LDHD: variants seen among roughly 807,000 people sequenced by gnomAD.
LDHD encodes the protein lactate dehydrogenase D.
LDHD carries 58 observed loss-of-function variants against 52.9 expected under a neutral mutation model. The ratio of observed to expected loss-of-function variants is 1.10; its 90% CI spans 0.89 to 1.36. The LOEUF (loss-of-function observed/expected upper bound fraction) is 1.36. Among genes scored for constraint, LDHD ranks in the 40% most tolerant of loss-of-function variants. LDHD has a pLI of 0.00. For synonymous variants in LDHD, 350 were observed against 288.6 expected (o/e 1.21, Z -2.16); for missense variants, 747 against 668.0 (o/e 1.12, Z -1.30).
At chr16:75,114,476 G>T (rs1340915862) in intron 5 of LDHD, 50 bp downstream of exon 5, 1 of 1,447,166 alleles carries the variant, frequency 6.9e-7, no homozygotes, top group Non-Finnish European at 9.1e-7. Context: ...AGGGCAGCCC[G>T]CCAGCAGTGC....
chr16:75,115,538 C>T lies in LDHD; in HGVS notation c.185+10G>A. The T allele has an allele frequency of 6.2e-7, 1 of 1,612,014 alleles. No homozygotes were observed. The highest frequency in any genetic ancestry group is 2.2e-5 in the East Asian group (1 of 44,850). On this transcript the variant is annotated intron_variant, in intron 2 of 10. Transcript: ENST00000450168. Reference sequence around the variant, plus strand: ...GAAGACAGGGGAGGGGCCCGCGAACCCTCCCATACCTGTGCACCGACTCAT... The same window carrying T: ...GAAGACAGGGGAGGGGCCCGCGAACTCTCCCATACCTGTGCACCGACTCAT...
rs2036462246 is a variant in LDHD at position 75,113,650 on chromosome 16, T to C, written c.971A>G (p.Gln324Arg). 1.9e-6 allele frequency: 3 copies of C among 1,613,294 alleles called. No homozygotes were observed. The African/African-American group carries it at 4.0e-5, about 22-fold the overall frequency. The change falls in exon 8 of 11, where the codon CAG becomes CGG. Residue 324 changes from glutamine (Q) to arginine (R), a missense_variant. Transcript: ENST00000450168. Reference sequence around the variant, plus strand: ...GGAGAAGTCAGAGGCTCCGTTCTGCTGGACTATCTCCTCTGCAGTTGGGGA... The same window carrying C: ...GGAGAAGTCAGAGGCTCCGTTCTGCCGGACTATCTCCTCTGCAGTTGGGGA... The part of the protein sequence containing the change: ...EQLQRTEEIV[Q>R]QNGASDFSWA...
rs1039767895 is a variant in LDHD, at chr16:75,113,770, C to G, written c.930G>C (p.Gln310His). Residue 310 changes from glutamine (Q) to histidine (H), a missense_variant, in exon 7 of 11, where the codon CAG becomes CAC. By Grantham distance (24) the Gln-to-His change is conservative. Coordinates refer to ENST00000450168, the MANE Select transcript of LDHD (RefSeq NM_194436.3). The stretch of plus-strand genomic sequence containing the variant: ...TGCGCTGCAGCTGCTCCTCCAGTGC[C>G]TGCTGGGAGCCATGGAACTCCAGGA... Reference protein sequence around the residue: ...TLFLEFHGSQQALEEQLQRTE... With the variant: ...TLFLEFHGSQHALEEQLQRTE... 2 of 1,613,884 alleles carry G rather than the reference C, an allele frequency of 1.2e-6. No homozygotes were observed. The highest frequency in any genetic ancestry group is 2.7e-5 in the African/African-American group (2 of 74,936).
rs1301590744 is a variant in LDHD at position 75,114,627 on chromosome 16, G to T, written c.528C>A (p.Asn176Lys). 6.5e-7 allele frequency: 1 copy of T among 1,533,060 alleles called. No individual in the cohort carries two copies. The highest frequency in any genetic ancestry group is 2.5e-5 in the East Asian group (1 of 40,784). 95.0% of individuals were successfully genotyped at this position (1,533,060 alleles called of 1,614,324 possible). The change falls in exon 5 of 11, where the codon AAC (asparagine) becomes AAA (lysine). Residue 176 changes from asparagine to lysine, a missense_variant. By Grantham distance (94) the Asn-to-Lys change is moderately conservative. Coordinates refer to ENST00000450168, the MANE Select transcript of LDHD (RefSeq NM_194436.3). ...GMAATGASGT[N>K]AVRYGTMRDN... is the part of the protein sequence containing the mutation. Reference sequence around the variant, plus strand: ...CCCGCATGGTGCCGTAGCGGACCGCGTTGGTCCCCGACGCCCCGGTGGCCG... The same window carrying T: ...CCCGCATGGTGCCGTAGCGGACCGCTTTGGTCCCCGACGCCCCGGTGGCCG...
chr16:75,112,007 C>T lies in LDHD; in HGVS notation c.*349G>A, dbSNP rs962428648. ...TGAAGGGGGAAGGGTCCTGGGACCC[C>T]GGCAGTGGGAGGCCTCGGGGAGGGG... is the stretch of plus-strand genomic sequence containing the variant. On this transcript the variant is annotated 3_prime_UTR_variant, in exon 11 of 11. Coordinates refer to ENST00000450168, the MANE Select transcript of LDHD (RefSeq NM_194436.3). The T allele has an allele frequency of 5.8e-5, 14 of 242,750 alleles. No individual in the cohort carries two copies. The highest frequency in any genetic ancestry group is 2.0e-4 in the Admixed American group (4 of 20,102). The allele number at this position is 242,750 out of a possible 1,614,324, so 15.0% of individuals were successfully genotyped here.
chr16:75,115,445 C>T, intron 2 of LDHD, 103 bp downstream of exon 2: 3 of 1,583,310 alleles, frequency 1.9e-6, no homozygotes, highest in Non-Finnish European at 2.6e-6. Context: ...CATGCCAGAG[C>T]ACCCCAAAAC....
intron 8 of LDHD, 51 bp downstream of exon 8, chr16:75,113,484 G>C (rs767119276): frequency 1.9e-6 from 3 of 1,552,700 alleles, no homozygotes; most frequent in East Asian, 4.5e-5. Context: ...GTTGAGGAAA[G>C]GGTTTGTGGG....
intron 5 of LDHD, 101 bp from the exon 6 acceptor site, chr16:75,114,266 A>T (rs2036484654): frequency 1.3e-6 from 2 of 1,563,218 alleles, no homozygotes; most frequent in Non-Finnish European, 1.7e-6. Flanking sequence ...CCAGGCACTG[A>T]GGTCTGGGCT....
chr16:75,114,496 G>C, intron 5 of LDHD, 30 bp downstream of exon 5: 1 of 1,477,670 alleles, frequency 6.8e-7, no homozygotes. Context: ...CCCAGGGCCA[G>C]AGCCCGGGCC....
intron 8 of LDHD, 23 bp downstream of exon 8, chr16:75,113,512 T>C: frequency 1.9e-6 from 3 of 1,594,258 alleles, no homozygotes; most frequent in Non-Finnish European, 2.6e-6. Flanking sequence ...GTGGGCCCCA[T>C]CTGTACCCCA....
intron 10 of LDHD, 32 bp from the exon 11 acceptor site, chr16:75,112,553 C>G (rs1443974483): frequency 6.2e-7 from 1 of 1,613,208 alleles, no homozygotes; most frequent in Non-Finnish European, 8.5e-7. Context: ...CCTCAGGGGG[C>G]TCCCTTTCCT....
At position 75,114,643 on chromosome 16, in the gene LDHD, C is replaced by G. The variant is rs749683577; in HGVS notation, c.512G>C (p.Gly171Ala). The change falls in exon 5 of 11, where the codon GGG (glycine) becomes GCG (alanine). Residue 171 changes from glycine (G) to alanine (A), a missense_variant. Coordinates refer to ENST00000450168, the MANE Select transcript of LDHD (RefSeq NM_194436.3). ...GCGGACCGCGTTGGTCCCCGACGCC[C>G]CGGTGGCCGCCATGCCACAGAGAGA... ...DASLCGMAATGASGTNAVRYG... is the reference protein window; with the variant it reads ...DASLCGMAATAASGTNAVRYG... 2.6e-6 allele frequency: 4 copies of G among 1,530,416 alleles called. No homozygotes were observed. Among genetic ancestry groups the G allele is most frequent in the Non-Finnish European group, 3.5e-6 (4 of 1,140,462 alleles). The allele number at this position is 1,530,416 out of a possible 1,614,324, so 94.8% of individuals were successfully genotyped here.
At position 75,113,758 on chromosome 16, in the gene LDHD, C is replaced by T. The variant is rs761620499; in HGVS notation, c.942G>A (p.Glu314=). 4.3e-6 allele frequency: 7 copies of T among 1,613,974 alleles called. No homozygotes were observed. The Admixed American group carries it at 1.0e-4, about 23-fold the overall frequency. Residue 314 remains glutamate (E), a synonymous_variant, in exon 7 of 11, where the codon GAG becomes GAA. Coordinates refer to ENST00000450168, the MANE Select transcript of LDHD (RefSeq NM_194436.3). ...CCAGCATACCTGTGCGCTGCAGCTGCTCCTCCAGTGCCTGCTGGGAGCCAT... is the reference window on the plus strand; with the variant it reads ...CCAGCATACCTGTGCGCTGCAGCTGTTCCTCCAGTGCCTGCTGGGAGCCAT... The part of the protein sequence containing the change: ...EFHGSQQALE[E]QLQRTEEIVQ...
chr16:75,112,285 G>C lies in LDHD; in HGVS notation c.*71C>G. Reference sequence around the variant, plus strand: ...CAGCATCTATTTCCTTGCAGGGGCCGTGGCATGAAGAAAAGTTCCAGAACC... The same window carrying C: ...CAGCATCTATTTCCTTGCAGGGGCCCTGGCATGAAGAAAAGTTCCAGAACC... On this transcript the variant is annotated 3_prime_UTR_variant, in exon 11 of 11. Coordinates refer to ENST00000450168, the MANE Select transcript of LDHD (RefSeq NM_194436.3). The C allele has an allele frequency of 6.6e-7, 1 of 1,509,278 alleles. No homozygotes were observed. The highest frequency in any genetic ancestry group is 9.0e-7 in the Non-Finnish European group (1 of 1,110,964). The allele number at this position is 1,509,278 out of a possible 1,614,324, so 93.5% of individuals were successfully genotyped here.
rs1208663140 is a variant in LDHD, at chr16:75,111,872, G to C, written c.*484C>G. On this transcript the variant is annotated 3_prime_UTR_variant, in exon 11 of 11. Coordinates refer to ENST00000450168, the MANE Select transcript of LDHD (RefSeq NM_194436.3). ...GCTGACTTCCAGGTAGCTGTAGGTG[G>C]GTTTCAGGTTTATTACAGATTTATT... 1 of 153,438 alleles carries C rather than the reference G, an allele frequency of 6.5e-6. No homozygotes were observed. The allele number at this position is 153,438 out of a possible 1,614,324, so 9.5% of individuals were successfully genotyped here.
rs774636975 is a variant in LDHD at position 75,112,320 on chromosome 16, G to C, written c.*36C>G. On this transcript the variant is annotated 3_prime_UTR_variant, in exon 11 of 11. Coordinates refer to ENST00000450168, the MANE Select transcript of LDHD (RefSeq NM_194436.3). ...GAAAAGTTCCAGAACCGGCTCCGTAGTCAGGGAACTTGTGGGCTAAGTGCT... is the reference window on the plus strand; with the variant it reads ...GAAAAGTTCCAGAACCGGCTCCGTACTCAGGGAACTTGTGGGCTAAGTGCT... The C allele has an allele frequency of 1.2e-5, 19 of 1,574,170 alleles. No homozygotes were observed. Among genetic ancestry groups the C allele is most frequent in the Non-Finnish European group, 1.6e-5 (19 of 1,155,076 alleles).
intron 4 of LDHD, 49 bp from the exon 5 acceptor site, chr16:75,114,734 C>T: frequency 2.6e-6 from 4 of 1,553,508 alleles, no homozygotes; most frequent in Non-Finnish European, 3.5e-6. Flanking sequence ...AGGTCCTTTC[C>T]CTCGGGCTGG....
In LDHD at chr16:75,112,182, A is replaced by G; in HGVS notation, c.*174T>C. 1.3e-6 allele frequency: 1 copy of G among 746,344 alleles called. No individual in the cohort carries two copies. Among genetic ancestry groups the G allele is most frequent in the Non-Finnish European group, 2.1e-6 (1 of 471,788 alleles). The allele number at this position is 746,344 out of a possible 1,614,324, so 46.2% of individuals were successfully genotyped here. A position where few individuals can be genotyped will look rare whatever the true frequency, so the allele number is the denominator to read the frequency against. On this transcript the variant is annotated 3_prime_UTR_variant, in exon 11 of 11. Coordinates refer to ENST00000450168, the MANE Select transcript of LDHD (RefSeq NM_194436.3). ...GGCCAGCCAGAGGGCCAGGGAGGTA[A>G]CACGGTGCTCAGGCTTCTCTCTGGG... is the stretch of plus-strand genomic sequence containing the variant.
intron 10 of LDHD, 23 bp downstream of exon 10, chr16:75,112,579 C>T: frequency 6.2e-7 from 1 of 1,613,848 alleles, no homozygotes; most frequent in Non-Finnish European, 8.5e-7. Flanking sequence ...CTCAGCTCTT[C>T]CCCTCCCTGG....
Sources: allele counts gnomAD v4.1 joint callset, GRCh38; gene constraint gnomAD v4.1.1; transcripts MANE v1.5; gene names NCBI Gene and HGNC (gene_info 2026-07-23, HGNC 2026-07-21).